The following IL1RL2 variants were observed in gnomAD, a reference collection of about 807,000 sequenced individuals.
IL1RL2 encodes interleukin-1 receptor-like 2.
A neutral mutation model predicts 66.8 loss-of-function variants in IL1RL2; 68 were observed. The ratio of observed to expected loss-of-function variants is 1.02; its 90% CI spans 0.84 to 1.25. IL1RL2 has a LOEUF of 1.25. Ranked by LOEUF, IL1RL2 falls within the 50% of genes most tolerant of loss-of-function variation. IL1RL2 has a pLI of 0.00. For synonymous variants in IL1RL2, 305 were observed against 264.6 expected, an observed-to-expected ratio of 1.15 and a Z score of -1.48; for missense variants, 729 against 709.3, an observed-to-expected ratio of 1.03 and a Z score of -0.32.
chr2:102,235,001 G>C lies in IL1RL2; in HGVS notation c.1402G>C (p.Glu468Gln). Reference sequence around the variant, plus strand: ...TGGCCTGTTGAAGAACCTGTCAGAAGAACAAATCGCGGTCTACAGTGCCCT... The same window carrying C: ...TGGCCTGTTGAAGAACCTGTCAGAACAACAAATCGCGGTCTACAGTGCCCT... ...GFGLLKNLSE[E>Q]QIAVYSALIQ... Residue 468 changes from glutamate to glutamine, a missense_variant, in exon 11 of 12, where the codon GAA becomes CAA. Physicochemically the swap from Glu to Gln is conservative, Grantham distance 29 (BLOSUM62 2). Transcript: ENST00000264257. 1 of 1,614,196 alleles carries C rather than the reference G, an allele frequency of 6.2e-7. No individual in the cohort carries two copies.
intron 6 of IL1RL2, among the ~76,000 whole-genome samples, chr2:102,212,420 T>A (rs1163956757): frequency 1.3e-5 from 2 of 152,174 alleles, no homozygotes; most frequent in Non-Finnish European, 2.9e-5. Context: ...ATGATTATTA[T>A]AAATCTGTTT....
rs1237568439 is a variant in IL1RL2 at position 102,235,034 on chromosome 2, G to A, written c.1435G>A (p.Asp479Asn). 1.2e-6 allele frequency: 2 copies of A among 1,614,178 alleles called. No individual in the cohort carries two copies. The highest frequency in any genetic ancestry group is 1.7e-6 in the Non-Finnish European group (2 of 1,180,040). Reference sequence around the variant, plus strand: ...CGCGGTCTACAGTGCCCTGATCCAGGACGGGATGAAGGTTATTCTCATTGA... The same window carrying A: ...CGCGGTCTACAGTGCCCTGATCCAGAACGGGATGAAGGTTATTCTCATTGA... The part of the protein sequence containing the change: ...QIAVYSALIQ[D>N]GMKVILIELE... Residue 479 changes from aspartate to asparagine, a missense_variant, in exon 11 of 12, where the codon GAC becomes AAC. Transcript: ENST00000264257.
chr2:102,237,435 C>T lies in IL1RL2; in HGVS notation c.1679-1757C>T, dbSNP rs142841967. ...AAGGACGAAGCGTCCTCAGCCAGCC[C>T]GCAGCCACCCTGCCCACTCCAGCAC... On this transcript the variant is annotated intron_variant, in intron 11 of 11. Transcript: ENST00000264257. Among the ~76,000 whole-genome samples the T allele has an allele frequency of 7.2e-3, 1,104 of 152,300 alleles. 17 individuals are homozygous for T. The highest frequency in any genetic ancestry group is 0.026 in the African/African-American group (1,067 of 41,536).
At chr2:102,228,536 T>C (rs977525397) in intron 9 of IL1RL2, among the ~76,000 whole-genome samples, 12 of 152,190 alleles carry the variant, frequency 7.9e-5, no homozygotes, top group African/African-American at 2.9e-4. Flanking sequence ...CAGGGGTGCA[T>C]GTGTGTACGA....
intron 2 of IL1RL2, among the ~76,000 whole-genome samples, chr2:102,188,791 G>T (rs1686960005): frequency 2.0e-5 from 3 of 152,034 alleles, no homozygotes; most frequent in Admixed American, 2.0e-4. Flanking sequence ...TGGATGAAAA[G>T]AACTAAGGGT....
chr2:102,235,551 A>G (rs1674803735), intron 11 of IL1RL2: 1 of 985,332 alleles, frequency 1.0e-6, no homozygotes, highest in Admixed American at 6.1e-5. Context: ...GGATGGATAC[A>G]GCACTTGGGC....
chr2:102,239,506 G>T lies in IL1RL2; in HGVS notation c.*265G>T. On this transcript the variant is annotated 3_prime_UTR_variant, in exon 12 of 12. Coordinates refer to ENST00000264257, the MANE Select transcript of IL1RL2 (RefSeq NM_003854.4). ...TGGTCATGGAGGGTGAGGGCTGGTC[G>T]GGGGAGGCATCCCCAAGTCATGGTG... 1 of 393,946 alleles carries T rather than the reference G, an allele frequency of 2.5e-6. No individual in the cohort carries two copies. The highest frequency in any genetic ancestry group is 4.8e-6 in the Non-Finnish European group (1 of 206,540). 24.4% of individuals were successfully genotyped at this position (393,946 alleles called of 1,614,324 possible). A position where few individuals can be genotyped will look rare whatever the true frequency, so the allele number is the denominator to read the frequency against.
intron 8 of IL1RL2, among the ~76,000 whole-genome samples, chr2:102,222,653 G>C (rs1690242782): frequency 6.6e-6 from 1 of 152,178 alleles, no homozygotes; most frequent in Non-Finnish European, 1.5e-5. Context: ...AGGTGAGTTT[G>C]AGACAAGTGC....
chr2:102,227,789 A>G (rs1997502), intron 9 of IL1RL2, among the ~76,000 whole-genome samples: 114,810 of 152,092 alleles, frequency 0.75, 44,526 homozygotes, highest in African/African-American at 0.94. Flanking sequence ...CTCAGGCCCC[A>G]TGGTGTGTCT....
intron 8 of IL1RL2, among the ~76,000 whole-genome samples, chr2:102,222,744 T>C (rs1010195448): frequency 6.6e-6 from 1 of 152,182 alleles, no homozygotes; most frequent in African/African-American, 2.4e-5. Context: ...TCCTCCCTTC[T>C]GACTTTCCAT....
At position 102,189,112 on chromosome 2, in the gene IL1RL2, T is replaced by A; in HGVS notation, c.95T>A (p.Leu32His). Residue 32 changes from leucine to histidine, a missense_variant, in exon 3 of 12, where the codon CTT becomes CAT. Transcript: ENST00000264257. The stretch of plus-strand genomic sequence containing the variant: ...GACATTTTTATGAAAAATGAGATAC[T>A]TTCAGCAAGCCAGCCTTTTGCTTTT... ...CKDIFMKNEI[L>H]SASQPFAFNC... The A allele has an allele frequency of 1.9e-6, 3 of 1,614,102 alleles. No individual in the cohort carries two copies. The highest frequency in any genetic ancestry group is 2.5e-6 in the Non-Finnish European group (3 of 1,179,972).
chr2:102,240,770 C>T (rs975611071), downstream of IL1RL2, among the ~76,000 whole-genome samples: 2 of 152,230 alleles, frequency 1.3e-5, no homozygotes, highest in African/African-American at 4.8e-5. Context: ...AATTATCTGA[C>T]TTCCTGGTCA....
chr2:102,197,452 A>C (rs17026757), intron 4 of IL1RL2, among the ~76,000 whole-genome samples: 15,180 of 152,282 alleles, frequency 0.1, 870 homozygotes, highest in African/African-American at 0.15. Flanking sequence ...ATTCCAGTTA[A>C]GATAGAAAAG....
Position 102,232,982 on chromosome 2 carries a change from C to T in IL1RL2, c.1155C>T (p.Ala385=), listed in dbSNP as rs1313459729. The T allele has an allele frequency of 1.5e-5, 24 of 1,613,566 alleles. No homozygotes were observed. Among genetic ancestry groups the T allele is most frequent in the Non-Finnish European group, 1.9e-5 (23 of 1,179,606 alleles). The change falls in exon 10 of 12, where the codon GCC becomes GCT. Residue 385 remains alanine (A), a synonymous_variant. Transcript: ENST00000264257. ...TTTCAGATGGGAAGCTGTATGACGCCTATGTCTTATACCCCAAGCCCCACA... is the reference window on the plus strand; with the variant it reads ...TTTCAGATGGGAAGCTGTATGACGCTTATGTCTTATACCCCAAGCCCCACA... ...ETIVDGKLYD[A]YVLYPKPHKE...
chr2:102,210,234 G>T (rs537252388), intron 5 of IL1RL2, among the ~76,000 whole-genome samples: 171 of 152,242 alleles, frequency 1.1e-3, no homozygotes, highest in African/African-American at 4.0e-3. Flanking sequence ...AGGGAACTTG[G>T]AGTATCTGAA....
intron 7 of IL1RL2, 62 bp from the exon 8 acceptor site, chr2:102,219,819 A>T (rs2104834049): frequency 6.8e-7 from 1 of 1,468,732 alleles, no homozygotes; most frequent in Non-Finnish European, 9.4e-7. Context: ...CAGAAAACAG[A>T]TTATAAAATA....
At chr2:102,236,496 C>T (rs1674899115) in intron 11 of IL1RL2, among the ~76,000 whole-genome samples, 1 of 152,252 alleles carries the variant, frequency 6.6e-6, no homozygotes, top group South Asian at 2.1e-4. Flanking sequence ...TCACATTACA[C>T]ATTTGTTTAG....
chr2:102,196,530 A>C (rs1268023494), intron 4 of IL1RL2, among the ~76,000 whole-genome samples: 1 of 152,222 alleles, frequency 6.6e-6, no homozygotes. Flanking sequence ...GGGATGTCAT[A>C]TGTCTTCAAA....
intron 10 of IL1RL2, among the ~76,000 whole-genome samples, 177 bp from the exon 11 acceptor site, chr2:102,234,720 G>A (rs1474485373): frequency 2.0e-5 from 3 of 152,108 alleles, no homozygotes; most frequent in African/African-American, 7.2e-5. Flanking sequence ...CTGGGAGGTG[G>A]AGGTTGCAGT....
Sources: allele counts gnomAD v4.1 joint callset (sites outside exome capture counted in the v4.1 genomes callset), GRCh38; gene constraint gnomAD v4.1.1; transcripts MANE v1.5; gene names NCBI Gene and HGNC (gene_info 2026-07-23, HGNC 2026-07-21).